The following NCAM2 variants were observed in gnomAD, a reference collection of about 807,000 sequenced individuals.
The protein encoded by NCAM2 is neural cell adhesion molecule 2, also known as N-CAM-2.
In NCAM2, 30 loss-of-function variants were observed where a neutral mutation model predicts 98.1. The observed-to-expected ratio is 0.31, with a 90% CI of 0.23 to 0.41. NCAM2 has a LOEUF of 0.41. NCAM2 is among the 10% of genes least tolerant of loss of function. The pLI is 1.00. For missense variants in NCAM2, 867 were observed against 1,005.8 expected (o/e 0.86, Z 1.87); for synonymous variants, 368 against 342.4 (o/e 1.07, Z -0.83).
chr21:21,345,030 CA>C (rs1158132815), intron 8 of NCAM2, among the ~76,000 whole-genome samples: 1 of 152,116 alleles, frequency 6.6e-6, no homozygotes, highest in Non-Finnish European at 1.5e-5. Context: ...ACTATCAAGG[CA>C]TTACCTCTAT....
intron 1 of NCAM2, among the ~76,000 whole-genome samples, chr21:21,048,998 T>A (rs905474138): frequency 6.8e-6 from 1 of 146,854 alleles, no homozygotes; most frequent in Non-Finnish European, 1.5e-5. Context: ...TATTTACTAT[T>A]TATATTTACT....
At chr21:21,056,568 A>AGAGAGATAGT (rs1187392058) in intron 1 of NCAM2, among the ~76,000 whole-genome samples, 7 of 149,356 alleles carry the variant, frequency 4.7e-5, no homozygotes, top group Non-Finnish European at 1.0e-4. Flanking sequence ...AGAGTGAGAG[A>AGAGAGATAGT]GAGAGATAGT....
chr21:21,017,468 G>A (rs2146169974), intron 1 of NCAM2, among the ~76,000 whole-genome samples: 1 of 137,016 alleles, frequency 7.3e-6, no homozygotes, highest in African/African-American at 2.7e-5. Context: ...ACGGGAACCA[G>A]AGTCTTCTAT....
At chr21:21,001,443 C>G (rs1282709553) in intron 1 of NCAM2, among the ~76,000 whole-genome samples, 3 of 152,118 alleles carry the variant, frequency 2.0e-5, no homozygotes, top group African/African-American at 7.2e-5. Context: ...GTAACTTTTG[C>G]AATTATTTTT....
intron 1 of NCAM2, among the ~76,000 whole-genome samples, chr21:21,141,782 T>A (rs1439826200): frequency 6.6e-6 from 1 of 152,142 alleles, no homozygotes; most frequent in Admixed American, 6.5e-5. Flanking sequence ...AGGCTGTATA[T>A]CTACTGCCCT....
At chr21:21,439,876 A>G (rs1309097099) in intron 12 of NCAM2, among the ~76,000 whole-genome samples, 1 of 152,222 alleles carries the variant, frequency 6.6e-6, no homozygotes, top group Non-Finnish European at 1.5e-5. Context: ...ATTCAAGTAT[A>G]GAACACGTGT....
chr21:21,332,688 G>A (rs1214833508), intron 6 of NCAM2, among the ~76,000 whole-genome samples: 1 of 151,978 alleles, frequency 6.6e-6, no homozygotes, highest in African/African-American at 2.4e-5. Context: ...ACCTTCTGTC[G>A]CTTTGACCTC....
intron 1 of NCAM2, among the ~76,000 whole-genome samples, chr21:21,223,105 T>TATATGCATAG (rs1490398394): frequency 6.6e-6 from 1 of 152,222 alleles, no homozygotes; most frequent in African/African-American, 2.4e-5. Flanking sequence ...GCAACACACA[T>TATATGCATAG]ATATGCATAG....
chr21:21,284,754 T>A (rs1369156709), intron 3 of NCAM2, among the ~76,000 whole-genome samples: 1 of 151,656 alleles, frequency 6.6e-6, no homozygotes, highest in Admixed American at 6.6e-5. Context: ...TTAGAATAAA[T>A]GAAAATGTGT....
intron 5 of NCAM2, among the ~76,000 whole-genome samples, chr21:21,310,680 T>C (rs185884998): frequency 4.1e-4 from 63 of 152,326 alleles, no homozygotes; most frequent in African/African-American, 1.5e-3. Flanking sequence ...ATGTTTGTTT[T>C]CAAGTTAACA....
chr21:21,020,698 C>G (rs1281291331), intron 1 of NCAM2, among the ~76,000 whole-genome samples: 1 of 152,152 alleles, frequency 6.6e-6, no homozygotes, highest in Non-Finnish European at 1.5e-5. Context: ...TTTCCTGATT[C>G]GAGCTCTAGT....
chr21:21,221,930 G>A (rs775112109), intron 1 of NCAM2, among the ~76,000 whole-genome samples: 4 of 152,100 alleles, frequency 2.6e-5, no homozygotes, highest in Non-Finnish European at 5.9e-5. Context: ...AAGGACAGAT[G>A]TCTCTCTTGG....
At chr21:21,116,964 G>GA (rs1161267596) in intron 1 of NCAM2, among the ~76,000 whole-genome samples, 2 of 151,826 alleles carry the variant, frequency 1.3e-5, no homozygotes, top group Non-Finnish European at 2.9e-5. Context: ...AATTTTTGGG[G>GA]AAAAAAACAA....
intron 16 of NCAM2, among the ~76,000 whole-genome samples, chr21:21,521,733 C>G (rs1989027396): frequency 6.6e-6 from 1 of 151,606 alleles, no homozygotes; most frequent in Admixed American, 6.6e-5. Context: ...CTCAAACAAA[C>G]AAATAAACTA....
intron 16 of NCAM2, among the ~76,000 whole-genome samples, chr21:21,513,279 A>C (rs1988507538): frequency 6.6e-6 from 1 of 151,926 alleles, no homozygotes; most frequent in South Asian, 2.1e-4. Flanking sequence ...TTTAAGATGC[A>C]TTGTAAGGTT....
rs1480469735 is a variant in NCAM2 at position 21,452,983 on chromosome 21, ATATAT to A, written c.1655-13612_1655-13608del. 2.3e-4 allele frequency among the ~76,000 whole-genome samples: 21 copies of A among 91,800 alleles called. No homozygotes were observed. In the South Asian group the frequency reaches 4.8e-3, roughly 21 times the overall value. 60.2% of individuals were successfully genotyped at this position (91,800 alleles called of 152,430 possible). On this transcript the variant is annotated intron_variant, in intron 12 of 17. Transcript: ENST00000400546. ...TATATATTATATATTATTATATATT[ATATAT>A]TATATTATATAATATATAATATATA...
rs139954897 is a variant in NCAM2 at position 21,036,624 on chromosome 21, G to C, written c.55+38006G>C. ...TACTCAGTTCGTTGGGGAAAGTGTA[G>C]ATTAGGAGGTGTAGGAGTAAATGAT... On this transcript the variant is annotated intron_variant, in intron 1 of 17. Transcript: ENST00000400546. Among the ~76,000 whole-genome samples, 3 of 152,314 alleles carry C rather than the reference G, an allele frequency of 2.0e-5. No individual in the cohort carries two copies. The East Asian group carries it at 5.8e-4, about 29-fold the overall frequency.
At chr21:21,017,461 G>T (rs2064336334) in intron 1 of NCAM2, among the ~76,000 whole-genome samples, 1 of 131,584 alleles carries the variant, frequency 7.6e-6, no homozygotes, top group African/African-American at 2.8e-5. Context: ...AATAGAAACG[G>T]GAACCAGAGT....
At chr21:21,510,961 C>T (rs1287067043) in intron 16 of NCAM2, among the ~76,000 whole-genome samples, 1 of 151,968 alleles carries the variant, frequency 6.6e-6, no homozygotes, top group African/African-American at 2.4e-5. Context: ...GACTTCATAG[C>T]ACCATAGATT....
Sources: gnomAD v4.1 joint callset for allele counts (sites outside exome capture counted in the v4.1 genomes callset) on GRCh38, gnomAD v4.1.1 for gene constraint, MANE v1.5 for transcripts, NCBI Gene and HGNC (gene_info 2026-07-23, HGNC 2026-07-21) for gene names.